The following NUBPL variants were observed in gnomAD, a reference collection of about 807,000 sequenced individuals.
NUBPL encodes NUBP iron-sulfur cluster assembly factor, mitochondrial, also known as iron-sulfur cluster transfer protein NUBPL.
Under a neutral mutation model 45.7 loss-of-function variants are expected in NUBPL, and 31 were observed. The ratio of observed to expected loss-of-function variants is 0.68; its 90% CI spans 0.51 to 0.92. NUBPL has a LOEUF of 0.92. NUBPL is among the 40% of genes least tolerant of loss of function. The probability of loss-of-function intolerance (pLI) is 0.00; values close to 1 mark genes in which losing one functional copy is unlikely to be tolerated. For missense variants in NUBPL, 401 were observed against 398.7 expected (o/e 1.01, Z -0.05); for synonymous variants, 144 against 140.9 (o/e 1.02, Z -0.15).
chr14:31,673,392 T>G lies in NUBPL; in HGVS notation c.420T>G (p.Ala140=). ...LMRPLLNYGI[A]CMSMGFLVEE... is the part of the protein sequence containing the mutation. ...GGCCTCTCTTGAATTATGGTATTGCTTGGTGAGCATATATATATTTTTAAT... is the reference window on the plus strand; with the variant it reads ...GGCCTCTCTTGAATTATGGTATTGCGTGGTGAGCATATATATATTTTTAAT... Residue 140 remains alanine, a splice_region_variant and synonymous_variant, in exon 5 of 11, where the codon GCT becomes GCG. Coordinates refer to ENST00000281081, the MANE Select transcript of NUBPL (RefSeq NM_025152.3). The G allele has an allele frequency of 6.2e-7, 1 of 1,608,708 alleles. No individual in the cohort carries two copies. The highest frequency in any genetic ancestry group is 8.5e-7 in the Non-Finnish European group (1 of 1,176,454).
Position 31,860,302 on chromosome 14 carries a change from C to CAAAAAAAAAAAAA in NUBPL, c.*1135_*1147dup. 1 of 75,498 alleles carries CAAAAAAAAAAAAA rather than the reference C, an allele frequency of 1.3e-5. No individual in the cohort carries two copies. The highest frequency in any genetic ancestry group is 2.4e-5 in the Non-Finnish European group (1 of 40,896). The allele number at this position is 75,498 out of a possible 1,614,324, so 4.7% of individuals were successfully genotyped here. On this transcript the variant is annotated 3_prime_UTR_variant, in exon 11 of 11. Transcript: ENST00000281081. Reference sequence around the variant, plus strand: ...TGGTCAATGGAGTGCGACTCCATCTCAAAAAAAAAAAAAAAAAAAAAAAAA... The same window carrying CAAAAAAAAAAAAA: ...TGGTCAATGGAGTGCGACTCCATCTCAAAAAAAAAAAAAAAAAAAAAAAAAAAAAAAAAAAAAA...
chr14:31,637,926 T>G (rs1371740285), intron 4 of NUBPL, among the ~76,000 whole-genome samples: 7 of 152,192 alleles, frequency 4.6e-5, no homozygotes, highest in Non-Finnish European at 8.8e-5. Context: ...CCTTTTTTTA[T>G]TTTCCATTTG....
At chr14:31,835,591 A>G (rs1470935429) in intron 8 of NUBPL, among the ~76,000 whole-genome samples, 9 of 152,316 alleles carry the variant, frequency 5.9e-5, no homozygotes, top group Non-Finnish European at 8.8e-5. Flanking sequence ...ATCATTATAA[A>G]TCTTTGTTTT....
intron 7 of NUBPL, among the ~76,000 whole-genome samples, chr14:31,814,775 A>T (rs1037972252): frequency 1.3e-5 from 2 of 152,316 alleles, no homozygotes; most frequent in Non-Finnish European, 2.9e-5. Flanking sequence ...TTTTCCCAAC[A>T]TCACTTATTA....
chr14:31,812,052 C>T (rs891596337), intron 7 of NUBPL, among the ~76,000 whole-genome samples: 2 of 152,180 alleles, frequency 1.3e-5, no homozygotes, highest in African/African-American at 2.4e-5. Flanking sequence ...AGGTGTCAGT[C>T]GGCCCCTACT....
At chr14:31,690,838 A>G (rs1012591745) in intron 6 of NUBPL, among the ~76,000 whole-genome samples, 3 of 152,210 alleles carry the variant, frequency 2.0e-5, no homozygotes, top group African/African-American at 7.2e-5. Context: ...ACAGGAGACA[A>G]CTTGTTGGAG....
At chr14:31,622,760 T>C (rs1210145299) in intron 4 of NUBPL, among the ~76,000 whole-genome samples, 2 of 152,226 alleles carry the variant, frequency 1.3e-5, no homozygotes, top group African/African-American at 2.4e-5. Flanking sequence ...AGAGGATGTA[T>C]GGAAATGCCT....
chr14:31,830,280 T>C (rs540223804), intron 8 of NUBPL, among the ~76,000 whole-genome samples: 63 of 152,330 alleles, frequency 4.1e-4, no homozygotes, highest in African/African-American at 1.5e-3. Flanking sequence ...ATAATAAACT[T>C]CCATTAGTGG....
chr14:31,794,965 C>T (rs2039455210), intron 7 of NUBPL, among the ~76,000 whole-genome samples: 1 of 127,770 alleles, frequency 7.8e-6, no homozygotes, highest in Admixed American at 8.1e-5. Context: ...GCCAGTTTTC[C>T]CAGCACCATT....
intron 4 of NUBPL, among the ~76,000 whole-genome samples, chr14:31,628,423 G>C (rs1306736788): frequency 6.6e-6 from 1 of 152,070 alleles, no homozygotes; most frequent in Non-Finnish European, 1.5e-5. Flanking sequence ...TGTTAATACT[G>C]TATTATTACT....
rs557422626 is a variant in NUBPL, at chr14:31,681,299, G to A, written c.513+7725G>A. The stretch of plus-strand genomic sequence containing the variant: ...GTTAAATTGTGTTTTATAGGAATTT[G>A]TTTCTTTTACTTTAATTGTATAATG... On this transcript the variant is annotated intron_variant, in intron 6 of 10. Coordinates refer to ENST00000281081, the MANE Select transcript of NUBPL (RefSeq NM_025152.3). 2.1e-3 allele frequency among the ~76,000 whole-genome samples: 317 copies of A among 151,698 alleles called. 1 individual carries two copies. Among genetic ancestry groups the A allele is most frequent in the African/African-American group, 7.3e-3 (303 of 41,436 alleles).
intron 6 of NUBPL, among the ~76,000 whole-genome samples, chr14:31,759,906 GAAGGGAAGGCT>G (rs1398385892): frequency 4.6e-5 from 7 of 151,250 alleles, no homozygotes; most frequent in Admixed American, 1.3e-4. Flanking sequence ...CATGTTTAAG[GAAGGGAAGGCT>G]AAGCTATGAT....
In NUBPL at chr14:31,838,683, A is replaced by G. The variant is rs577611453; in HGVS notation, c.694-7788A>G. 3.3e-5 allele frequency among the ~76,000 whole-genome samples: 5 copies of G among 152,286 alleles called. No homozygotes were observed. In the East Asian group the frequency reaches 5.8e-4, roughly 18 times the overall value. ...TGGTGACTCCATTTTGCCTAAACTT[A>G]AGTACTTTTTTGTGTGTTCCTGATA... is the stretch of plus-strand genomic sequence containing the variant. On this transcript the variant is annotated intron_variant, in intron 8 of 10. Coordinates refer to ENST00000281081, the MANE Select transcript of NUBPL (RefSeq NM_025152.3).
chr14:31,660,328 C>T (rs1293901542), intron 4 of NUBPL, among the ~76,000 whole-genome samples: 1 of 152,158 alleles, frequency 6.6e-6, no homozygotes, highest in Non-Finnish European at 1.5e-5. Context: ...CACTTTGTCT[C>T]ACACAGCCAC....
intron 3 of NUBPL, among the ~76,000 whole-genome samples, chr14:31,593,557 G>A (rs930416149): frequency 6.6e-6 from 1 of 151,520 alleles, no homozygotes; most frequent in Non-Finnish European, 1.5e-5. Context: ...TTTTGGTATG[G>A]GGGCGGAGGT....
At position 31,849,330 on chromosome 14, in the gene NUBPL, C is replaced by G. The variant is rs767208186; in HGVS notation, c.815-789C>G. 2.7e-4 allele frequency among the ~76,000 whole-genome samples: 41 copies of G among 152,206 alleles called. 1 individual carries two copies. Among genetic ancestry groups the G allele is most frequent in the Non-Finnish European group, 5.1e-4 (35 of 68,020 alleles). Reference sequence around the variant, plus strand: ...AAGTACCATGGCAAGTCAACTTTTCCGCTTAAGACTCCACTCACTGTGCTT... The same window carrying G: ...AAGTACCATGGCAAGTCAACTTTTCGGCTTAAGACTCCACTCACTGTGCTT... On this transcript the variant is annotated intron_variant, in intron 9 of 10. Coordinates refer to ENST00000281081, the MANE Select transcript of NUBPL (RefSeq NM_025152.3).
rs947188852 is a variant in NUBPL, at chr14:31,631,735, C to T, written c.382+32356C>T. Among the ~76,000 whole-genome samples the T allele has an allele frequency of 2.0e-5, 3 of 152,198 alleles. No homozygotes were observed. In the East Asian group the frequency reaches 5.8e-4, roughly 29 times the overall value. ...ACCGACATCCAAGCTCAAAGATAGG[C>T]AGAGAGTGAATTCTCCCTTATTCCA... On this transcript the variant is annotated intron_variant, in intron 4 of 10. Coordinates refer to ENST00000281081, the MANE Select transcript of NUBPL (RefSeq NM_025152.3).
chr14:31,831,468 T>C (rs61996367), intron 8 of NUBPL, among the ~76,000 whole-genome samples: 121 of 143,164 alleles, frequency 8.5e-4, no homozygotes, highest in East Asian at 2.3e-3. Flanking sequence ...TATACTGTAC[T>C]ATACCATACC....
intron 6 of NUBPL, among the ~76,000 whole-genome samples, chr14:31,675,005 C>T (rs1382276814): frequency 6.6e-6 from 1 of 151,880 alleles, no homozygotes; most frequent in East Asian, 1.9e-4. Flanking sequence ...TGCTTGGTGG[C>T]GGGTGCCTGT....
Sources: allele counts gnomAD v4.1 joint callset (sites outside exome capture counted in the v4.1 genomes callset), GRCh38; gene constraint gnomAD v4.1.1; transcripts MANE v1.5; gene names NCBI Gene and HGNC (gene_info 2026-07-23, HGNC 2026-07-21).